Variants in FAM72B observed in about 807,000 individuals in gnomAD.
FAM72B encodes the protein protein FAM72B.
FAM72B carries 4 observed loss-of-function variants against 12.6 expected under a neutral mutation model. The ratio of observed to expected loss-of-function variants is 0.32; its 90% CI spans 0.16 to 0.73. The LOEUF is 0.73. FAM72B is among the 30% of genes least tolerant of loss of function. The pLI is 0.67. For missense variants in FAM72B, 61 were observed against 158.4 expected, an observed-to-expected ratio of 0.39 and a Z score of 3.30; for synonymous variants, 13 against 53.9, an observed-to-expected ratio of 0.24 and a Z score of 3.32.
At position 121,184,318 on chromosome 1, in the gene FAM72B, C is replaced by T. The variant is rs1231180923; in HGVS notation, c.-829G>A. ...GTCACCGAACACGTTGGTTTTCGCT[C>T]CCTCTTCCGCTTTTCCTGCCTCTCC... is the stretch of plus-strand genomic sequence containing the variant. On this transcript the variant is annotated 5_prime_UTR_variant, in exon 1 of 4. Coordinates refer to ENST00000369390, the MANE Select transcript of FAM72B (RefSeq NM_001100910.2). The T allele has an allele frequency of 6.7e-6, 1 of 149,006 alleles. No homozygotes were observed. The highest frequency in any genetic ancestry group is 1.5e-5 in the Non-Finnish European group (1 of 67,604). 9.2% of individuals were successfully genotyped at this position (149,006 alleles called of 1,614,324 possible).
At chr1:121,178,668 C>T (rs1272390531) in intron 2 of FAM72B, among the ~76,000 whole-genome samples, 1 of 151,440 alleles carries the variant, frequency 6.6e-6, no homozygotes, top group African/African-American at 2.4e-5. Context: ...TGCTATCTTT[C>T]AGGCACTGCT....
chr1:121,183,674 A>C lies in FAM72B; in HGVS notation c.-185T>G. ...CGGTGGCGGAGTAGAAGAAGTATTT[A>C]TTGAGTAGGAACAGGGGAGCGTGGC... is the stretch of plus-strand genomic sequence containing the variant. On this transcript the variant is annotated 5_prime_UTR_variant, in exon 1 of 4. Transcript: ENST00000369390. 1 of 935,382 alleles carries C rather than the reference A, an allele frequency of 1.1e-6. No homozygotes were observed. The highest frequency in any genetic ancestry group is 1.8e-5 in the South Asian group (1 of 56,928). 57.9% of individuals were successfully genotyped at this position (935,382 alleles called of 1,614,324 possible).
At chr1:121,172,889 G>A in intron 3 of FAM72B, among the ~76,000 whole-genome samples, 1 of 137,430 alleles carries the variant, frequency 7.3e-6, no homozygotes, top group Non-Finnish European at 1.5e-5. Flanking sequence ...TTCAAGACCA[G>A]CCTGACCAAC....
At chr1:121,173,077 C>T (rs1181798849) in intron 3 of FAM72B, among the ~76,000 whole-genome samples, 6 of 93,410 alleles carry the variant, frequency 6.4e-5, no homozygotes, top group South Asian at 3.3e-4. Flanking sequence ...AACTCTGTCT[C>T]AAAAAAAAAA....
Position 121,183,406 on chromosome 1 carries a change from C to T in FAM72B, c.84G>A (p.Arg28=), listed in dbSNP as rs1654378230. ...CKFCKQVLSS[R]GMKAVLLADT... ...CAGCCAGCAAAACAGCCTTCATTCC[C>T]CTAGAGCTGAGCACTTGTTTACAGA... The change falls in exon 1 of 4, where the codon AGG becomes AGA. Residue 28 remains arginine (R), a synonymous_variant. Transcript: ENST00000369390. 1 of 1,540,426 alleles carries T rather than the reference C, an allele frequency of 6.5e-7. No individual in the cohort carries two copies. Among genetic ancestry groups the T allele is most frequent in the Admixed American group, 1.9e-5 (1 of 52,684 alleles).
chr1:121,174,992 G>A (rs1343015590), intron 3 of FAM72B, among the ~76,000 whole-genome samples: 3 of 151,916 alleles, frequency 2.0e-5, no homozygotes, highest in Non-Finnish European at 4.4e-5. Context: ...GGAAGGAGAT[G>A]CCATCTAGGA....
chr1:121,173,242 C>T (rs1318964904), intron 3 of FAM72B, among the ~76,000 whole-genome samples: 15 of 133,588 alleles, frequency 1.1e-4, no homozygotes, highest in South Asian at 2.4e-4. Flanking sequence ...TGGAGTGCAG[C>T]GGTGCCACCT....
chr1:121,174,651 G>C (rs1553316635), intron 3 of FAM72B, among the ~76,000 whole-genome samples: 1 of 150,448 alleles, frequency 6.6e-6, no homozygotes, highest in African/African-American at 2.4e-5. Flanking sequence ...ACAGGTGTGA[G>C]CCACCGCGCC....
At chr1:121,179,767 G>A (rs1367680816) in intron 2 of FAM72B, among the ~76,000 whole-genome samples, 1 of 143,302 alleles carries the variant, frequency 7.0e-6, no homozygotes, top group Admixed American at 6.9e-5. Flanking sequence ...GGCGGAGGTT[G>A]CAGTAAGCTG....
Position 121,168,588 on chromosome 1 carries a change from G to T in FAM72B, c.*153C>A. On this transcript the variant is annotated 3_prime_UTR_variant, in exon 4 of 4. Coordinates refer to ENST00000369390, the MANE Select transcript of FAM72B (RefSeq NM_001100910.2). Reference sequence around the variant, plus strand: ...CTCCACTGGCTTCAATCAAACTGAGGTAACTAATTAGAGACGGAAAATAAA... The same window carrying T: ...CTCCACTGGCTTCAATCAAACTGAGTTAACTAATTAGAGACGGAAAATAAA... The T allele has an allele frequency of 1.1e-6, 1 of 894,586 alleles. No homozygotes were observed. The highest frequency in any genetic ancestry group is 1.6e-6 in the Non-Finnish European group (1 of 624,544). The allele number at this position is 894,586 out of a possible 1,614,324, so 55.4% of individuals were successfully genotyped here.
intron 3 of FAM72B, among the ~76,000 whole-genome samples, chr1:121,173,187 T>A (rs1654140620): frequency 4.4e-5 from 1 of 22,824 alleles, no homozygotes; most frequent in African/African-American, 1.4e-4. Flanking sequence ...TAAAATAATT[T>A]TTTTTTTTTT....
Position 121,179,566 on chromosome 1 carries a change from G to A in FAM72B, c.230+1705C>T, listed in dbSNP as rs1209788767. ...GTGTGGGCTGGGTGCGGTGGCTCAC[G>A]CCTGTAATCCTAGCACTTAGGGAGG... On this transcript the variant is annotated intron_variant, in intron 2 of 3. Transcript: ENST00000369390. Among the ~76,000 whole-genome samples, 12 of 152,060 alleles carry A rather than the reference G, an allele frequency of 7.9e-5. No homozygotes were observed. In the East Asian group the frequency reaches 9.6e-4, roughly 12 times the overall value.
At chr1:121,172,537 C>A (rs1654114506) in intron 3 of FAM72B, among the ~76,000 whole-genome samples, 2 of 146,668 alleles carry the variant, frequency 1.4e-5, no homozygotes, top group African/African-American at 2.7e-5. Context: ...CTGAGGTGGG[C>A]AGATCACCTG....
At chr1:121,176,734 C>T (rs1252748568) in intron 3 of FAM72B, among the ~76,000 whole-genome samples, 4 of 150,920 alleles carry the variant, frequency 2.7e-5, no homozygotes, top group Non-Finnish European at 5.9e-5. Context: ...TCTGTCATAA[C>T]GTATTAACAT....
intron 2 of FAM72B, among the ~76,000 whole-genome samples, chr1:121,179,333 A>G (rs1456121222): frequency 7.2e-5 from 11 of 151,946 alleles, no homozygotes; most frequent in Non-Finnish European, 1.5e-4. Context: ...AGCCAAGATC[A>G]TGCCATTGCA....
rs1247815416 is a variant in FAM72B, at chr1:121,168,227, CT to C, written c.*513del. ...TTTAAATTTTAATTTATTCTATTTC[CT>C]GATTCACAAACTCTTGCTCCATGTT... is the stretch of plus-strand genomic sequence containing the variant. On this transcript the variant is annotated 3_prime_UTR_variant, in exon 4 of 4. Coordinates refer to ENST00000369390, the MANE Select transcript of FAM72B (RefSeq NM_001100910.2). 7.3e-6 allele frequency: 1 copy of C among 136,706 alleles called. No individual in the cohort carries two copies. Among genetic ancestry groups the C allele is most frequent in the Non-Finnish European group, 1.6e-5 (1 of 63,678 alleles). The allele number at this position is 136,706 out of a possible 1,614,324, so 8.5% of individuals were successfully genotyped here. A position where few individuals can be genotyped will look rare whatever the true frequency, so the allele number is the denominator to read the frequency against.
At chr1:121,179,376 TCAAAA>T (rs1324304611) in intron 2 of FAM72B, among the ~76,000 whole-genome samples, 1 of 151,226 alleles carries the variant, frequency 6.6e-6, no homozygotes, top group Middle Eastern at 3.5e-3. Flanking sequence ...AGACTCCGTC[TCAAAA>T]CAAAACAAAA....
rs587674377 is a variant in FAM72B at position 121,183,655 on chromosome 1, C to T, written c.-166G>A. On this transcript the variant is annotated 5_prime_UTR_variant, in exon 1 of 4. Transcript: ENST00000369390. ...TTTTTTTTTTCTGTTTTCCCGGTGG[C>T]GGAGTAGAAGAAGTATTTATTGAGT... 1.0e-5 allele frequency: 15 copies of T among 1,437,840 alleles called. No individual in the cohort carries two copies. The African/African-American group carries it at 1.6e-4, about 15-fold the overall frequency. The allele number at this position is 1,437,840 out of a possible 1,614,324, so 89.1% of individuals were successfully genotyped here. A position where few individuals can be genotyped will look rare whatever the true frequency, so the allele number is the denominator to read the frequency against.
At chr1:121,172,922 A>T (rs1221200105) in intron 3 of FAM72B, among the ~76,000 whole-genome samples, 2 of 134,682 alleles carry the variant, frequency 1.5e-5, no homozygotes, top group East Asian at 4.3e-4. Flanking sequence ...TGTCTCTACT[A>T]AAAATACAAA....
Sources: gnomAD v4.1 joint callset for allele counts (sites outside exome capture counted in the v4.1 genomes callset) on GRCh38, gnomAD v4.1.1 for gene constraint, MANE v1.5 for transcripts, NCBI Gene and HGNC (gene_info 2026-07-23, HGNC 2026-07-21) for gene names.